SMARCC1: variants seen among roughly 807,000 people sequenced by gnomAD.
SMARCC1 encodes the protein SWI/SNF related BAF chromatin remodeling complex subunit C1.
SMARCC1 carries 43 observed loss-of-function variants against 147.4 expected under a neutral mutation model. The ratio of observed to expected loss-of-function variants is 0.29; its 90% CI spans 0.23 to 0.38. The LOEUF is 0.38. SMARCC1 is among the 10% of genes least tolerant of loss of function. The pLI, the probability that SMARCC1 is intolerant of heterozygous loss-of-function variation, is 1.00. For synonymous variants in SMARCC1, 495 were observed against 484.4 expected (o/e 1.02, Z -0.29); for missense variants, 1,119 against 1,381.1 (o/e 0.81, Z 3.01).
chr3:47,612,003 C>T (rs138486796), intron 25 of SMARCC1, among the ~76,000 whole-genome samples: 79 of 152,320 alleles, frequency 5.2e-4, no homozygotes, highest in African/African-American at 1.8e-3. Context: ...CAGGAACAAG[C>T]AAGACAGGGT....
rs117027511 is a variant in SMARCC1 at position 47,739,729 on chromosome 3, A to G, written c.402-1619T>C. Among the ~76,000 whole-genome samples the G allele has an allele frequency of 4.1e-4, 63 of 152,206 alleles. No homozygotes were observed. In the East Asian group the frequency reaches 0.011, roughly 26 times the overall value. On this transcript the variant is annotated intron_variant, in intron 3 of 27. Transcript: ENST00000254480. ...TTTAACTCACATGTCATGCTATTTT[A>G]TTCTGGAGATGTTCCCCACACTTCC...
At chr3:47,753,521 C>G (rs191526613) in intron 2 of SMARCC1, among the ~76,000 whole-genome samples, 1 of 151,276 alleles carries the variant, frequency 6.6e-6, no homozygotes, top group South Asian at 2.1e-4. Flanking sequence ...CAAGACCTGC[C>G]TGGCCAAGGT....
intron 2 of SMARCC1, among the ~76,000 whole-genome samples, chr3:47,770,842 A>G (rs558402044): frequency 1.3e-5 from 2 of 152,332 alleles, no homozygotes; most frequent in Non-Finnish European, 2.9e-5. Flanking sequence ...CTTTTTGGAT[A>G]ATAAAAACAT....
chr3:47,779,382 A>C (rs1386313145), intron 1 of SMARCC1, among the ~76,000 whole-genome samples: 1 of 152,242 alleles, frequency 6.6e-6, no homozygotes, highest in Non-Finnish European at 1.5e-5. Context: ...ATAGAAATGC[A>C]CTGTGTAGAA....
chr3:47,620,494 T>C (rs2032714411), intron 25 of SMARCC1, among the ~76,000 whole-genome samples: 1 of 152,128 alleles, frequency 6.6e-6, no homozygotes, highest in Non-Finnish European at 1.5e-5. Context: ...TGTTTTTGTT[T>C]TTTTTCCACT....
chr3:47,705,987 G>A (rs761245716), intron 10 of SMARCC1, among the ~76,000 whole-genome samples: 61 of 152,186 alleles, frequency 4.0e-4, no homozygotes, highest in Middle Eastern at 3.4e-3. Context: ...GCGTTGTACT[G>A]CCATGCTTTG....
At chr3:47,623,942 G>A (rs1236158609) in intron 24 of SMARCC1, among the ~76,000 whole-genome samples, 1 of 151,146 alleles carries the variant, frequency 6.6e-6, no homozygotes, top group Non-Finnish European at 1.5e-5. Context: ...AGGTGGAAAG[G>A]GGGTCCTTAA....
chr3:47,728,956 G>C (rs966041338), intron 6 of SMARCC1, 69 bp downstream of exon 6: 2 of 941,548 alleles, frequency 2.1e-6, no homozygotes, highest in Non-Finnish European at 3.3e-6. Context: ...TAAGTCTTTG[G>C]GGGTATGACA....
intron 2 of SMARCC1, among the ~76,000 whole-genome samples, chr3:47,748,704 T>C (rs1432233791): frequency 6.6e-6 from 1 of 152,184 alleles, no homozygotes; most frequent in Non-Finnish European, 1.5e-5. Context: ...GAGCATCGAA[T>C]AGGCTAAATA....
intron 26 of SMARCC1, among the ~76,000 whole-genome samples, chr3:47,596,357 CAGG>C (rs1188993939): frequency 2.6e-5 from 4 of 151,956 alleles, no homozygotes; most frequent in Admixed American, 1.3e-4. Context: ...ATCAAGAGGT[CAGG>C]AGTTCAAGAC....
At chr3:47,598,398 C>A (rs534406402) in intron 26 of SMARCC1, among the ~76,000 whole-genome samples, 13 of 152,300 alleles carry the variant, frequency 8.5e-5, no homozygotes, top group African/African-American at 2.9e-4. Context: ...TCAACAGGTA[C>A]AGGTTGCTCG....
rs201657094 is a variant in SMARCC1, at chr3:47,587,309, A to AC, written c.*899_*900insG. The AC allele has an allele frequency of 5.4e-4, 3 of 5,536 alleles. No individual in the cohort carries two copies. Among genetic ancestry groups the AC allele is most frequent in the East Asian group, 0.083 (1 of 12 alleles). 0.3% of individuals were successfully genotyped at this position (5,536 alleles called of 1,614,324 possible). A position where few individuals can be genotyped will look rare whatever the true frequency, so the allele number is the denominator to read the frequency against. The stretch of plus-strand genomic sequence containing the variant: ...AAGCAGTGAATAGTAGGCTAGACTC[A>AC]TTGGGGGTAATTACCCTAGACTCCT... On this transcript the variant is annotated 3_prime_UTR_variant, in exon 28 of 28. Coordinates refer to ENST00000254480, the MANE Select transcript of SMARCC1 (RefSeq NM_003074.4).
At chr3:47,725,671 C>T (rs908156340) in intron 6 of SMARCC1, among the ~76,000 whole-genome samples, 1 of 147,738 alleles carries the variant, frequency 6.8e-6, no homozygotes, top group Non-Finnish European at 1.5e-5. Flanking sequence ...AGGCTGGTCT[C>T]AAAATCCTGG....
intron 21 of SMARCC1, among the ~76,000 whole-genome samples, chr3:47,645,998 C>T (rs890891927): frequency 1.3e-5 from 2 of 152,136 alleles, no homozygotes; most frequent in Middle Eastern, 3.4e-3. Flanking sequence ...AGACCTGGCT[C>T]GGACTTTTAA....
At chr3:47,667,072 CTTTGGGATG>C (rs2033429001) in intron 19 of SMARCC1, among the ~76,000 whole-genome samples, 1 of 152,166 alleles carries the variant, frequency 6.6e-6, no homozygotes, top group African/African-American at 2.4e-5. Flanking sequence ...AATCCCAGCA[CTTTGGGATG>C]CTGAGGTGGG....
rs2032859617 is a variant in SMARCC1, at chr3:47,629,523, G to A, written c.2646+5667C>T. On this transcript the variant is annotated intron_variant, in intron 24 of 27. Coordinates refer to ENST00000254480, the MANE Select transcript of SMARCC1 (RefSeq NM_003074.4). The stretch of plus-strand genomic sequence containing the variant: ...AGTAGAGTAGGGCAGAAATTATGCT[G>A]TGTCAGTTTGGGGTTCCAAGTCATA... Among the ~76,000 whole-genome samples, 6 of 152,190 alleles carry A rather than the reference G, an allele frequency of 3.9e-5. No homozygotes were observed. The South Asian group carries it at 1.2e-3, about 32-fold the overall frequency.
rs574528648 is a variant in SMARCC1 at position 47,632,161 on chromosome 3, G to A, written c.2646+3029C>T. Among the ~76,000 whole-genome samples the A allele has an allele frequency of 2.6e-5, 4 of 152,304 alleles. No homozygotes were observed. In the East Asian group the frequency reaches 7.7e-4, roughly 29 times the overall value. Reference sequence around the variant, plus strand: ...GGGGCAGGCCAAATGATCCATAAAAGTAGTTTCTCTGCAGTGAAGGAGTCA... The same window carrying A: ...GGGGCAGGCCAAATGATCCATAAAAATAGTTTCTCTGCAGTGAAGGAGTCA... On this transcript the variant is annotated intron_variant, in intron 24 of 27. Transcript: ENST00000254480.
intron 10 of SMARCC1, among the ~76,000 whole-genome samples, chr3:47,704,577 G>A (rs2033966808): frequency 6.6e-6 from 1 of 152,088 alleles, no homozygotes. Flanking sequence ...AAGATCTCAT[G>A]TAGTTCCAAA....
chr3:47,732,680 C>A (rs1024303641), intron 5 of SMARCC1, among the ~76,000 whole-genome samples: 7 of 152,108 alleles, frequency 4.6e-5, no homozygotes, highest in Non-Finnish European at 8.8e-5. Flanking sequence ...AGAGAAGTGG[C>A]CAGTCAGTGA....
Sources: allele counts gnomAD v4.1 joint callset (sites outside exome capture counted in the v4.1 genomes callset), GRCh38; gene constraint gnomAD v4.1.1; transcripts MANE v1.5; gene names NCBI Gene and HGNC (gene_info 2026-07-23, HGNC 2026-07-21).